FAM169A: variants seen among roughly 807,000 people sequenced by gnomAD.
FAM169A encodes soluble lamin-associated protein of 75 kDa.
FAM169A carries 24 observed loss-of-function variants against 75.7 expected under a neutral mutation model. That is an observed-to-expected ratio of 0.32 (90% CI 0.23 to 0.45). FAM169A has a LOEUF of 0.45. FAM169A is among the 20% of genes least tolerant of loss of function. FAM169A has a pLI of 1.00. For missense variants in FAM169A, 673 were observed against 784.0 expected (o/e 0.86, Z 1.69); for synonymous variants, 271 against 271.0 (o/e 1.00, Z 0.00).
intron 11 of FAM169A, among the ~76,000 whole-genome samples, chr5:74,794,677 G>T (rs1423834111): frequency 1.3e-5 from 2 of 151,308 alleles, no homozygotes; most frequent in Non-Finnish European, 2.9e-5. Context: ...TACTCAGGAG[G>T]CTGAGGCAGG....
chr5:74,846,765 G>C (rs1749176886), intron 1 of FAM169A, among the ~76,000 whole-genome samples: 1 of 152,090 alleles, frequency 6.6e-6, no homozygotes, highest in African/African-American at 2.4e-5. Context: ...GTCTCCCCAG[G>C]TTGCCCAGGC....
chr5:74,803,462 G>A (rs1746692604), intron 8 of FAM169A, among the ~76,000 whole-genome samples: 2 of 152,184 alleles, frequency 1.3e-5, no homozygotes, highest in South Asian at 4.1e-4. Flanking sequence ...CATGCTAATT[G>A]AGACAGAAAA....
chr5:74,828,444 G>A (rs1288850009), intron 5 of FAM169A, among the ~76,000 whole-genome samples: 1 of 152,036 alleles, frequency 6.6e-6, no homozygotes, highest in African/African-American at 2.4e-5. Flanking sequence ...TTGTAAAATG[G>A]GAGAAGGAAG....
In FAM169A at chr5:74,796,051, T is replaced by G. The variant is rs1746256087; in HGVS notation, c.1239A>C (p.Gln413His). ...ATACCTTTTCACCATCTTGCTTCTC[T>G]TGCTGTGGCTGGGTTTCCAGTGCTG... is the stretch of plus-strand genomic sequence containing the variant. ...ARPALETQPQ[Q>H]EKQDGEKESE... The change falls in exon 11 of 13, where the codon CAA (glutamine) becomes CAC (histidine). Residue 413 changes from glutamine (Q) to histidine (H), a missense_variant. Gln to His is a conservative substitution (Grantham distance 24, BLOSUM62 0). Coordinates refer to ENST00000687041, the MANE Select transcript of FAM169A (RefSeq NM_001376049.1). The G allele has an allele frequency of 6.2e-7, 1 of 1,613,534 alleles. No homozygotes were observed. The highest frequency in any genetic ancestry group is 8.5e-7 in the Non-Finnish European group (1 of 1,179,934).
At chr5:74,801,827 A>G (rs949475502) in intron 8 of FAM169A, among the ~76,000 whole-genome samples, 198 bp from the exon 9 acceptor site, 1 of 152,204 alleles carries the variant, frequency 6.6e-6, no homozygotes, top group African/African-American at 2.4e-5. Flanking sequence ...AAGTCATCTA[A>G]TATGTCATAG....
chr5:74,829,921 C>T lies in FAM169A; in HGVS notation c.490+4505G>A, dbSNP rs189193619. Among the ~76,000 whole-genome samples the T allele has an allele frequency of 7.1e-4, 108 of 152,050 alleles. 2 individuals are homozygous for T. The highest frequency in any genetic ancestry group is 1.5e-3 in the Admixed American group (23 of 15,256). ...CCAGGAGGCAGAGGTTGAAGTTAGC[C>T]GAGGTCGTGCCACTGTACTCCAGCC... On this transcript the variant is annotated intron_variant, in intron 5 of 12. Transcript: ENST00000687041.
chr5:74,864,192 A>G (rs1750186630), intron 1 of FAM169A, among the ~76,000 whole-genome samples: 1 of 152,194 alleles, frequency 6.6e-6, no homozygotes, highest in Non-Finnish European at 1.5e-5. Context: ...TTACCTCAAA[A>G]GCACTTAATT....
intron 5 of FAM169A, among the ~76,000 whole-genome samples, chr5:74,822,815 C>A (rs1163178495): frequency 6.7e-6 from 1 of 150,290 alleles, no homozygotes; most frequent in East Asian, 1.9e-4. Flanking sequence ...TCAAACTACT[C>A]CTCTTCTTCT....
chr5:74,866,794 C>A (rs1371297652), upstream of FAM169A: 36 of 985,446 alleles, frequency 3.7e-5, no homozygotes, highest in Non-Finnish European at 4.3e-5. Context: ...GTTCTCCAGC[C>A]CCGCGTAGGC....
At chr5:74,841,326 A>G (rs1411931938) in intron 2 of FAM169A, among the ~76,000 whole-genome samples, 1 of 152,204 alleles carries the variant, frequency 6.6e-6, no homozygotes, top group Non-Finnish European at 1.5e-5. Context: ...GTATTCTCAC[A>G]TATAATTTTA....
intron 1 of FAM169A, among the ~76,000 whole-genome samples, chr5:74,846,778 G>T (rs1561322526): frequency 6.6e-6 from 1 of 152,092 alleles, no homozygotes; most frequent in Non-Finnish European, 1.5e-5. Flanking sequence ...GCCCAGGCTG[G>T]TCTCAAACTC....
intron 1 of FAM169A, among the ~76,000 whole-genome samples, chr5:74,847,135 G>A (rs1205306728): frequency 6.6e-6 from 1 of 152,018 alleles, no homozygotes; most frequent in African/African-American, 2.4e-5. Context: ...TTTTATAATT[G>A]TGGTAAAATA....
chr5:74,787,003 A>T (rs1025150751), intron 11 of FAM169A, among the ~76,000 whole-genome samples: 4 of 152,092 alleles, frequency 2.6e-5, no homozygotes, highest in Non-Finnish European at 5.9e-5. Context: ...ACCTCAGGAG[A>T]AGAGAGCCAG....
chr5:74,784,449 G>A (rs1293160493), intron 11 of FAM169A, among the ~76,000 whole-genome samples: 1 of 139,174 alleles, frequency 7.2e-6, no homozygotes. Context: ...AGAGGTAGCA[G>A]TGAGCCAGAG....
chr5:74,856,061 A>G (rs1227533315), intron 1 of FAM169A, among the ~76,000 whole-genome samples: 2 of 152,146 alleles, frequency 1.3e-5, no homozygotes, highest in African/African-American at 4.8e-5. Flanking sequence ...GTGTATGTTC[A>G]TGTTACCTTT....
At position 74,807,588 on chromosome 5, in the gene FAM169A, G is replaced by GT. The variant is rs1746956995; in HGVS notation, c.671-2305dup. ...ATTTGTACATATGCAAAAAACATTT[G>GT]TAACATTCATTACAGGACTACTTTT... On this transcript the variant is annotated intron_variant, in intron 6 of 12. Coordinates refer to ENST00000687041, the MANE Select transcript of FAM169A (RefSeq NM_001376049.1). Among the ~76,000 whole-genome samples, 3 of 152,284 alleles carry GT rather than the reference G, an allele frequency of 2.0e-5. No individual in the cohort carries two copies. The South Asian group carries it at 6.2e-4, about 32-fold the overall frequency.
rs544271537 is a variant in FAM169A at position 74,815,338 on chromosome 5, C to T, written c.491-1319G>A. ...CCAAGTAGCTGGGATTACAGGCGCCCGCCACCACACCTGGCTAATTTTTAT... is the reference window on the plus strand; with the variant it reads ...CCAAGTAGCTGGGATTACAGGCGCCTGCCACCACACCTGGCTAATTTTTAT... On this transcript the variant is annotated intron_variant, in intron 5 of 12. Coordinates refer to ENST00000687041, the MANE Select transcript of FAM169A (RefSeq NM_001376049.1). 1.3e-4 allele frequency among the ~76,000 whole-genome samples: 20 copies of T among 151,866 alleles called. No individual in the cohort carries two copies. In the East Asian group the frequency reaches 2.3e-3, roughly 18 times the overall value.
In FAM169A at chr5:74,784,863, G is replaced by T. The variant is rs1305009510; in HGVS notation, c.1261-1729C>A. 2.1e-5 allele frequency among the ~76,000 whole-genome samples: 3 copies of T among 141,156 alleles called. No individual in the cohort carries two copies. In the Admixed American group the frequency reaches 2.2e-4, roughly 10 times the overall value. 92.6% of individuals were successfully genotyped at this position (141,156 alleles called of 152,430 possible). A position where few individuals can be genotyped will look rare whatever the true frequency, so the allele number is the denominator to read the frequency against. Reference sequence around the variant, plus strand: ...GAACCCGGGAGGCGGAGTTTGCAGTGAGCCAAGATCGCGCCACTGCACTCC... The same window carrying T: ...GAACCCGGGAGGCGGAGTTTGCAGTTAGCCAAGATCGCGCCACTGCACTCC... On this transcript the variant is annotated intron_variant, in intron 11 of 12. Coordinates refer to ENST00000687041, the MANE Select transcript of FAM169A (RefSeq NM_001376049.1).
At chr5:74,831,657 T>C (rs1300329234) in intron 5 of FAM169A, among the ~76,000 whole-genome samples, 2 of 152,180 alleles carry the variant, frequency 1.3e-5, no homozygotes, top group African/African-American at 4.8e-5. Context: ...GTTTCAAATT[T>C]TGGAGCATTT....
Sources: allele counts gnomAD v4.1 joint callset (sites outside exome capture counted in the v4.1 genomes callset), GRCh38; gene constraint gnomAD v4.1.1; transcripts MANE v1.5; gene names NCBI Gene and HGNC (gene_info 2026-07-23, HGNC 2026-07-21).